NKD2: variants seen among roughly 807,000 people sequenced by gnomAD.
The protein encoded by NKD2 is protein naked cuticle homolog 2.
NKD2 carries 43 observed loss-of-function variants against 34.8 expected under a neutral mutation model. That is an observed-to-expected ratio of 1.24 (90% CI 0.97 to 1.60). NKD2 has a LOEUF of 1.60. Ranked by LOEUF, NKD2 falls within the 40% of genes most tolerant of loss-of-function variation. The pLI is 0.00. For synonymous variants in NKD2, 278 were observed against 265.1 expected, an observed-to-expected ratio of 1.05 and a Z score of -0.47; for missense variants, 675 against 627.1, an observed-to-expected ratio of 1.08 and a Z score of -0.82.
rs762526106 is a variant in NKD2 at position 1,038,133 on chromosome 5, C to T, written c.1116C>T (p.Leu372=). The change falls in exon 10 of 10, where the codon CTC becomes CTT. Residue 372 remains leucine (L), a synonymous_variant. Coordinates refer to ENST00000296849, the MANE Select transcript of NKD2 (RefSeq NM_033120.4). The surrounding 1 kb of genome is among the most constrained non-coding windows in gnomAD (Gnocchi z 4.5). ...PPQAPQDGHH[L]PQPPPPPYGH... Reference sequence around the variant, plus strand: ...AGGCCCCTCAGGACGGCCACCACCTCCCGCAGCCCCCACCGCCACCCTACG... The same window carrying T: ...AGGCCCCTCAGGACGGCCACCACCTTCCGCAGCCCCCACCGCCACCCTACG... 4 of 1,589,026 alleles carry T rather than the reference C, an allele frequency of 2.5e-6. No homozygotes were observed. Among genetic ancestry groups the T allele is most frequent in the South Asian group, 2.3e-5 (2 of 88,664 alleles).
intron 3 of NKD2, among the ~76,000 whole-genome samples, chr5:1,022,252 G>A (rs1183018926): frequency 6.1e-5 from 8 of 131,146 alleles, no homozygotes; most frequent in South Asian, 2.6e-4. Flanking sequence ...CTTCCCACCC[G>A]CTGTGGGCGT....
rs1560996023 is a variant in NKD2 at position 1,032,163 on chromosome 5, T to G, written c.153T>G (p.Asn51Lys). The change falls in exon 4 of 10, where the codon AAT (asparagine) becomes AAG (lysine). Residue 51 changes from asparagine (N) to lysine (K), a missense_variant. By Grantham distance (94) the Asn-to-Lys change is moderately conservative. Coordinates refer to ENST00000296849, the MANE Select transcript of NKD2 (RefSeq NM_033120.4). The part of the protein sequence containing the change: ...RRARDKQELP[N>K]GDPKEGPFRE... ...CGTTCTTCCTGCAGGAGCTGCCCAA[T>G]GGGGACCCCAAGGAGGGGCCTTTCC... 1 of 1,611,530 alleles carries G rather than the reference T, an allele frequency of 6.2e-7. No homozygotes were observed.
Position 1,009,159 on chromosome 5 carries a change from C to A in NKD2, c.26-20C>A. The A allele has an allele frequency of 1.8e-6, 1 of 559,154 alleles. No homozygotes were observed. The highest frequency in any genetic ancestry group is 3.2e-6 in the Non-Finnish European group (1 of 311,404). 34.6% of individuals were successfully genotyped at this position (559,154 alleles called of 1,614,324 possible). Reference sequence around the variant, plus strand: ...CCTCTCACTGTCGTTTTCCTCTCCCCGCGTCCCGCCGTGCCGCAGCCGCCG... The same window carrying A: ...CCTCTCACTGTCGTTTTCCTCTCCCAGCGTCCCGCCGTGCCGCAGCCGCCG... On this transcript the variant is annotated intron_variant, in intron 1 of 9. Coordinates refer to ENST00000296849, the MANE Select transcript of NKD2 (RefSeq NM_033120.4). This position sits in a 1 kb window ranked among gnomAD's most constrained non-coding sequence, Gnocchi z 6.9.
In NKD2 at chr5:1,038,020, A is replaced by C. The variant is rs775785640; in HGVS notation, c.1003A>C (p.Lys335Gln). Residue 335 changes from lysine (K) to glutamine (Q), a missense_variant, in exon 10 of 10, where the codon AAG (lysine) becomes CAG (glutamine). Coordinates refer to ENST00000296849, the MANE Select transcript of NKD2 (RefSeq NM_033120.4). The surrounding 1 kb of genome is among the most constrained non-coding windows in gnomAD (Gnocchi z 4.5). ...GGAGAAGCAGTTCCTCAAGTCCCCC[A>C]AGGGCTCCGGGAAGCCGCCTGGGGT... The part of the protein sequence containing the change: ...GPEKQFLKSP[K>Q]GSGKPPGVPA... 1.4e-5 allele frequency: 22 copies of C among 1,608,738 alleles called. No homozygotes were observed. Among genetic ancestry groups the C allele is most frequent in the Middle Eastern group, 1.7e-4 (1 of 5,964 alleles).
intron 3 of NKD2, 84 bp from the exon 4 acceptor site, chr5:1,032,068 A>G: frequency 1.8e-6 from 2 of 1,114,712 alleles, no homozygotes; most frequent in East Asian, 2.4e-5. Context: ...GTCAGGCTCC[A>G]GTCCAGCCGC....
intron 3 of NKD2, among the ~76,000 whole-genome samples, chr5:1,026,751 G>T (rs999611627): frequency 6.6e-6 from 1 of 152,210 alleles, no homozygotes; most frequent in Non-Finnish European, 1.5e-5. Context: ...ATTCTACCAC[G>T]TCCAGCATCC....
intron 8 of NKD2, chr5:1,035,789 A>G: frequency 5.2e-6 from 2 of 383,768 alleles, no homozygotes; most frequent in South Asian, 4.3e-5. Context: ...TGGGGGCAAC[A>G]GGGCTGGGGG....
At chr5:1,036,503 AC>A in intron 9 of NKD2, 119 bp downstream of exon 9, 12 of 204,478 alleles carry the variant, frequency 5.9e-5, no homozygotes, top group South Asian at 1.8e-4. Context: ...CCCCCCCCCA[AC>A]CCCCCCCACC....
chr5:1,020,337 A>T (rs1382656999), intron 3 of NKD2, among the ~76,000 whole-genome samples: 2 of 152,204 alleles, frequency 1.3e-5, no homozygotes, highest in Non-Finnish European at 2.9e-5. Context: ...GTATACATAC[A>T]TGTATAGAGG....
At position 1,028,278 on chromosome 5, in the gene NKD2, C is replaced by G. The variant is rs1022536538; in HGVS notation, c.142-3874C>G. Reference sequence around the variant, plus strand: ...GACCAGGGTGGCCTTCCTGAGCATCCCGTAGGGCCGTGGGACCTGAAGCAA... The same window carrying G: ...GACCAGGGTGGCCTTCCTGAGCATCGCGTAGGGCCGTGGGACCTGAAGCAA... On this transcript the variant is annotated intron_variant, in intron 3 of 9. Coordinates refer to ENST00000296849, the MANE Select transcript of NKD2 (RefSeq NM_033120.4). Among the ~76,000 whole-genome samples the G allele has an allele frequency of 2.6e-5, 4 of 152,260 alleles. No individual in the cohort carries two copies. The East Asian group carries it at 7.7e-4, about 29-fold the overall frequency.
intron 3 of NKD2, among the ~76,000 whole-genome samples, chr5:1,016,079 T>C (rs1478235632): frequency 6.6e-6 from 1 of 152,066 alleles, no homozygotes; most frequent in Non-Finnish European, 1.5e-5. Context: ...GTGAGAGGGG[T>C]CTGCCCAGGT....
At chr5:1,027,723 A>G (rs919465600) in intron 3 of NKD2, among the ~76,000 whole-genome samples, 2 of 152,358 alleles carry the variant, frequency 1.3e-5, no homozygotes, top group African/African-American at 4.8e-5. Context: ...GCGTTCCACC[A>G]GAGCTGTGGC....
chr5:1,031,941 T>G (rs944618796), intron 3 of NKD2, among the ~76,000 whole-genome samples: 3 of 152,204 alleles, frequency 2.0e-5, no homozygotes, highest in Admixed American at 6.5e-5. Context: ...TTGGGGAACC[T>G]GACAACACAG....
intron 9 of NKD2, 136 bp downstream of exon 9, chr5:1,036,520 C>CCACCA: frequency 3.0e-6 from 2 of 661,046 alleles, no homozygotes; most frequent in Admixed American, 5.6e-5. Flanking sequence ...CCACCCCACC[C>CCACCA]CACCCAGGAC....
At chr5:1,032,866 G>A (rs1013590281) in intron 4 of NKD2, among the ~76,000 whole-genome samples, 1 of 152,234 alleles carries the variant, frequency 6.6e-6, no homozygotes, top group Non-Finnish European at 1.5e-5. Context: ...AAGTGCTGGA[G>A]AATAACGGAA....
intron 3 of NKD2, among the ~76,000 whole-genome samples, chr5:1,013,149 C>T (rs573228402): frequency 1.3e-5 from 2 of 152,292 alleles, no homozygotes; most frequent in Admixed American, 6.5e-5. Context: ...CCAAGATGTC[C>T]AGGAGAATGG....
At chr5:1,019,700 T>A (rs1305508653) in intron 3 of NKD2, among the ~76,000 whole-genome samples, 1 of 152,196 alleles carries the variant, frequency 6.6e-6, no homozygotes, top group East Asian at 1.9e-4. Context: ...TGTTTCTCTT[T>A]GGTAAGGACA....
Position 1,038,294 on chromosome 5 carries a change from C to A in NKD2, c.1277C>A (p.Pro426Gln). ...CCAGCAGGAGAGGGCTACGCGGTGC[C>A]AGTGATCCAGCGGCACGAGCACCAC... ...PTPAGEGYAVPVIQRHEHHHH... is the reference protein window; with the variant it reads ...PTPAGEGYAVQVIQRHEHHHH... Residue 426 changes from proline (P) to glutamine (Q), a missense_variant, in exon 10 of 10, where the codon CCA becomes CAA. By Grantham distance (76) the Pro-to-Gln change is moderately conservative (BLOSUM62 -1). Coordinates refer to ENST00000296849, the MANE Select transcript of NKD2 (RefSeq NM_033120.4). The surrounding 1 kb of genome is among the most constrained non-coding windows in gnomAD (Gnocchi z 4.5). 1.3e-6 allele frequency: 2 copies of A among 1,553,856 alleles called. No homozygotes were observed. The highest frequency in any genetic ancestry group is 1.9e-5 in the Admixed American group (1 of 53,048).
chr5:1,036,874 A>AGGCAGTGTGGATGGCG (rs769692541), intron 9 of NKD2: 25 of 447,354 alleles, frequency 5.6e-5, no homozygotes, highest in Non-Finnish European at 8.5e-5. Context: ...GATGGCAGGC[A>AGGCAGTGTGGATGGCG]GGCAGTGTGG....
Sources: allele counts gnomAD v4.1 joint callset (sites outside exome capture counted in the v4.1 genomes callset), GRCh38; gene constraint gnomAD v4.1.1; non-coding constraint Gnocchi (gnomAD v3.1); transcripts MANE v1.5; gene names NCBI Gene and HGNC (gene_info 2026-07-23, HGNC 2026-07-21).